Variants in DNAJC6 observed in about 807,000 individuals in gnomAD.
DNAJC6 encodes DnaJ heat shock protein family (Hsp40) member C6, also known as auxilin.
Under a neutral mutation model 110.0 loss-of-function variants are expected in DNAJC6, and 34 were observed. That is an observed-to-expected ratio of 0.31 (90% CI 0.24 to 0.41). The LOEUF is 0.41. Among genes scored for constraint, DNAJC6 ranks in the 10% least tolerant of loss-of-function variants. The probability of loss-of-function intolerance (pLI) is 1.00; values close to 1 mark genes in which losing one functional copy is unlikely to be tolerated. For synonymous variants in DNAJC6, 406 were observed against 437.2 expected, an observed-to-expected ratio of 0.93 and a Z score of 0.89; for missense variants, 1,031 against 1,207.8, an observed-to-expected ratio of 0.85 and a Z score of 2.17.
intron 18 of DNAJC6, 113 bp from the exon 19 acceptor site, chr1:65,412,811 C>T: frequency 1.1e-6 from 1 of 916,378 alleles, no homozygotes; most frequent in Non-Finnish European, 1.7e-6. Flanking sequence ...GGAGAAATGG[C>T]CAAATAGAAA....
chr1:65,404,289 T>A (rs1205304986), intron 15 of DNAJC6, among the ~76,000 whole-genome samples: 1 of 152,246 alleles, frequency 6.6e-6, no homozygotes, highest in East Asian at 1.9e-4. Flanking sequence ...TTACATTATT[T>A]TATAATATAT....
intron 1 of DNAJC6, 35 bp from the exon 2 acceptor site, chr1:65,364,599 CA>C: frequency 6.3e-7 from 1 of 1,577,624 alleles, no homozygotes; most frequent in South Asian, 1.2e-5. Context: ...CTGCCATCAC[CA>C]TTTTTGTTTG....
chr1:65,364,806 T>G (rs1382552846), intron 2 of DNAJC6, 21 bp downstream of exon 2: 1 of 1,611,106 alleles, frequency 6.2e-7, no homozygotes. Context: ...TCTTCCCAGT[T>G]AATTTAGTGG....
intron 1 of DNAJC6, chr1:65,345,574 C>T: frequency 2.4e-6 from 2 of 823,992 alleles, no homozygotes; most frequent in Non-Finnish European, 2.9e-6. Flanking sequence ...CACGCTAGTA[C>T]TAAATAAATG....
intron 1 of DNAJC6, among the ~76,000 whole-genome samples, chr1:65,355,651 C>T (rs1012031958): frequency 6.6e-6 from 1 of 152,182 alleles, no homozygotes; most frequent in Non-Finnish European, 1.5e-5. Flanking sequence ...CTGCAAATAG[C>T]TCACAATAAG....
rs190255624 is a variant in DNAJC6 at position 65,352,457 on chromosome 1, C to A, written c.194-12178C>A. Among the ~76,000 whole-genome samples the A allele has an allele frequency of 1.7e-3, 261 of 152,300 alleles. 5 individuals carry two copies. Among genetic ancestry groups the A allele is most frequent in the Non-Finnish European group, 4.6e-4 (31 of 68,022 alleles). On this transcript the variant is annotated intron_variant, in intron 1 of 18. Transcript: ENST00000371069. ...ATGCACTATCCATTGTGCCACAGAGCCTGCCTGCTTGCACGAATTGACCTC... is the reference window on the plus strand; with the variant it reads ...ATGCACTATCCATTGTGCCACAGAGACTGCCTGCTTGCACGAATTGACCTC...
At chr1:65,313,532 C>T (rs1645121531) in intron 1 of DNAJC6, among the ~76,000 whole-genome samples, 1 of 152,148 alleles carries the variant, frequency 6.6e-6, no homozygotes, top group African/African-American at 2.4e-5. Context: ...GGAGACCTAT[C>T]AAAGGTAGAA....
chr1:65,346,507 C>A (rs1362613634), intron 1 of DNAJC6, among the ~76,000 whole-genome samples: 1 of 152,090 alleles, frequency 6.6e-6, no homozygotes, highest in Non-Finnish European at 1.5e-5. Flanking sequence ...TCTCATCTTC[C>A]ATCCCTCTCT....
chr1:65,403,044 A>G (rs112718086), intron 15 of DNAJC6, among the ~76,000 whole-genome samples: 15 of 152,350 alleles, frequency 9.8e-5, no homozygotes, highest in African/African-American at 3.6e-4. Flanking sequence ...TAACCAAACA[A>G]AACAAAACTC....
At position 65,415,075 on chromosome 1, in the gene DNAJC6, A is replaced by G. The variant is rs565277527; in HGVS notation, c.*2050A>G. On this transcript the variant is annotated 3_prime_UTR_variant, in exon 19 of 19. Transcript: ENST00000371069. ...GGATACATTATAATTCTGGACCCCT[A>G]TTTATCTCAAAACTCTTAATATATG... 5 of 152,146 alleles carry G rather than the reference A, an allele frequency of 3.3e-5. No individual in the cohort carries two copies. Among genetic ancestry groups the G allele is most frequent in the Non-Finnish European group, 5.9e-5 (4 of 68,016 alleles). The allele number at this position is 152,146 out of a possible 1,614,324, so 9.4% of individuals were successfully genotyped here.
At chr1:65,402,185 C>T (rs953233065) in intron 15 of DNAJC6, among the ~76,000 whole-genome samples, 4 of 152,168 alleles carry the variant, frequency 2.6e-5, no homozygotes, top group African/African-American at 7.2e-5. Flanking sequence ...AAAAGTAATG[C>T]GTAGGGAAAC....
exon 1 of DNAJC6, chr1:65,264,816 C>G: frequency 6.4e-7 from 1 of 1,567,204 alleles, no homozygotes; most frequent in East Asian, 2.3e-5. Flanking sequence ...GACTTCGCCC[C>G]CGAGACCGCT....
intron 1 of DNAJC6, among the ~76,000 whole-genome samples, chr1:65,292,606 A>AT (rs922735449): frequency 2.7e-5 from 4 of 148,416 alleles, no homozygotes; most frequent in Admixed American, 6.7e-5. Flanking sequence ...ATTTTCTTTA[A>AT]TTTTTTTTTG....
intron 13 of DNAJC6, among the ~76,000 whole-genome samples, chr1:65,396,640 C>T (rs1279848455): frequency 6.6e-6 from 1 of 152,174 alleles, no homozygotes; most frequent in Non-Finnish European, 1.5e-5. Context: ...GTCTCCCTGC[C>T]CTACTCTACA....
At chr1:65,379,866 G>A (rs542440662) in intron 5 of DNAJC6, 174 of 162,036 alleles carry the variant, frequency 1.1e-3, no homozygotes, top group African/African-American at 3.6e-3. Flanking sequence ...ACATATTGGC[G>A]TATTTATTTT....
At chr1:65,410,526 ATTGT>A (rs746807485) in intron 17 of DNAJC6, among the ~76,000 whole-genome samples, 3 of 152,148 alleles carry the variant, frequency 2.0e-5, no homozygotes, top group Admixed American at 6.5e-5. Flanking sequence ...AGGGTATGTA[ATTGT>A]TTGGGAGGGT....
At chr1:65,332,008 C>T (rs546202044) in intron 1 of DNAJC6, among the ~76,000 whole-genome samples, 1 of 152,174 alleles carries the variant, frequency 6.6e-6, no homozygotes, top group Non-Finnish European at 1.5e-5. Flanking sequence ...TCTATTTCCT[C>T]ATGTCCTGGA....
chr1:65,381,818 C>T (rs984930708), intron 5 of DNAJC6, among the ~76,000 whole-genome samples: 1 of 152,046 alleles, frequency 6.6e-6, no homozygotes. Flanking sequence ...TTTTCTTTAT[C>T]AGAGGGAACA....
At chr1:65,302,130 T>A (rs1413777541) in intron 1 of DNAJC6, among the ~76,000 whole-genome samples, 3 of 134,660 alleles carry the variant, frequency 2.2e-5, no homozygotes, top group Non-Finnish European at 4.8e-5. Context: ...ATATAAAAAA[T>A]ATATATAATA....
Sources: gnomAD v4.1 joint callset for allele counts (sites outside exome capture counted in the v4.1 genomes callset) on GRCh38, gnomAD v4.1.1 for gene constraint, MANE v1.5 for transcripts, NCBI Gene and HGNC (gene_info 2026-07-23, HGNC 2026-07-21) for gene names.